C19orf85: variants seen among roughly 807,000 people sequenced by gnomAD.
C19orf85 encodes the protein chromosome 19 open reading frame 85.
rs1200411621 is a variant in C19orf85 at position 55,463,730 on chromosome 19, C to G, written c.411G>C (p.Glu137Asp). The G allele has an allele frequency of 2.5e-6, 1 of 398,636 alleles. No homozygotes were observed. The highest frequency in any genetic ancestry group is 2.1e-5 in the African/African-American group (1 of 48,602). The allele number at this position is 398,636 out of a possible 1,614,324, so 24.7% of individuals were successfully genotyped here. A position where few individuals can be genotyped will look rare whatever the true frequency, so the allele number is the denominator to read the frequency against. The change falls in exon 2 of 2, where the codon GAG becomes GAC. Residue 137 changes from glutamate (E) to aspartate (D), a missense_variant. Coordinates refer to ENST00000635964, the MANE Select transcript of C19orf85 (RefSeq NM_001386794.1). This position sits in a 1 kb window ranked among gnomAD's most constrained non-coding sequence, Gnocchi z 4.9. ...DLFDNIALTP[E>D]CASMPWDPSS... ...AGGGGTCCCATGGCATTGAGGCACA[C>G]TCTGGGGTGAGCGCAATGTTGTCAA...
rs935886659 is a variant in C19orf85, at chr19:55,463,534, C to G, written c.607G>C (p.Glu203Gln). ...TGAGAATCCCAGGCACGAGGCACCT[C>G]CCAGCAGTCCACCCAACCCCAGTCG... ...APDWGWVDCWEVPRAWDSQGI... is the reference protein window; with the variant it reads ...APDWGWVDCWQVPRAWDSQGI... Residue 203 changes from glutamate (E) to glutamine (Q), a missense_variant, in exon 2 of 2, where the codon GAG becomes CAG. By Grantham distance (29) the Glu-to-Gln change is conservative. Coordinates refer to ENST00000635964, the MANE Select transcript of C19orf85 (RefSeq NM_001386794.1). This position sits in a 1 kb window ranked among gnomAD's most constrained non-coding sequence, Gnocchi z 4.9. 3 of 398,628 alleles carry G rather than the reference C, an allele frequency of 7.5e-6. No homozygotes were observed. Among genetic ancestry groups the G allele is most frequent in the Non-Finnish European group, 1.3e-5 (3 of 226,190 alleles). The allele number at this position is 398,628 out of a possible 1,614,324, so 24.7% of individuals were successfully genotyped here. A position where few individuals can be genotyped will look rare whatever the true frequency, so the allele number is the denominator to read the frequency against.
At position 55,463,388 on chromosome 19, in the gene C19orf85, T is replaced by C. The variant is rs929000582; in HGVS notation, c.*84A>G. The C allele has an allele frequency of 1.3e-5, 5 of 398,558 alleles. No homozygotes were observed. Among genetic ancestry groups the C allele is most frequent in the African/African-American group, 2.1e-5 (1 of 48,524 alleles). The allele number at this position is 398,558 out of a possible 1,614,324, so 24.7% of individuals were successfully genotyped here. On this transcript the variant is annotated 3_prime_UTR_variant, in exon 2 of 2. Transcript: ENST00000635964. This position sits in a 1 kb window ranked among gnomAD's most constrained non-coding sequence, Gnocchi z 4.9. The stretch of plus-strand genomic sequence containing the variant: ...GGCTGCCAGGAAGGGAGTGGACAGG[T>C]TGGGGGCTCCTGGAGAGGGCTGTAG...
intron 1 of C19orf85, 133 bp downstream of exon 1, chr19:55,464,249 G>T (rs1483797879): frequency 2.5e-6 from 1 of 397,664 alleles, no homozygotes; most frequent in East Asian, 3.6e-5. Flanking sequence ...ATAAATGCAC[G>T]TTGACTGTTG....
rs745914384 is a variant in C19orf85 at position 55,463,432 on chromosome 19, T to C, written c.*40A>G. On this transcript the variant is annotated 3_prime_UTR_variant, in exon 2 of 2. Coordinates refer to ENST00000635964, the MANE Select transcript of C19orf85 (RefSeq NM_001386794.1). This position sits in a 1 kb window ranked among gnomAD's most constrained non-coding sequence, Gnocchi z 4.9. ...GCTGTAGAGCCGTCGTGGAGGGGCC[T>C]CTGGCTTGTCCTGGGTTCTGGGCTG... is the stretch of plus-strand genomic sequence containing the variant. The C allele has an allele frequency of 8.8e-5, 35 of 398,102 alleles. No homozygotes were observed. The highest frequency in any genetic ancestry group is 1.3e-4 in the Admixed American group (3 of 22,666). The allele number at this position is 398,102 out of a possible 1,614,324, so 24.7% of individuals were successfully genotyped here. A position where few individuals can be genotyped will look rare whatever the true frequency, so the allele number is the denominator to read the frequency against.
chr19:55,463,546 C>A lies in C19orf85; in HGVS notation c.595G>T (p.Val199Leu). ...ADLVAPDWGWVDCWEVPRAWD... is the reference protein window; with the variant it reads ...ADLVAPDWGWLDCWEVPRAWD... ...GCACGAGGCACCTCCCAGCAGTCCA[C>A]CCAACCCCAGTCGGGAGCCACGAGA... is the stretch of plus-strand genomic sequence containing the variant. Residue 199 changes from valine (V) to leucine (L), a missense_variant, in exon 2 of 2, where the codon GTG (valine) becomes TTG (leucine). Val to Leu is a conservative substitution (Grantham distance 32, BLOSUM62 1). Transcript: ENST00000635964. The surrounding 1 kb of genome is among the most constrained non-coding windows in gnomAD (Gnocchi z 4.9). 2.5e-6 allele frequency: 1 copy of A among 398,644 alleles called. No individual in the cohort carries two copies. Among genetic ancestry groups the A allele is most frequent in the Non-Finnish European group, 4.4e-6 (1 of 226,122 alleles). The allele number at this position is 398,644 out of a possible 1,614,324, so 24.7% of individuals were successfully genotyped here.
At chr19:55,464,258 T>C (rs1297888992) in intron 1 of C19orf85, 124 bp downstream of exon 1, 1 of 397,688 alleles carries the variant, frequency 2.5e-6, no homozygotes, top group African/African-American at 2.1e-5. Flanking sequence ...CGTTGACTGT[T>C]GCTGGCATCC....
chr19:55,464,062 AGCCACCACCCCCG>A (rs1277306816), intron 1 of C19orf85, 95 bp from the exon 2 acceptor site: 2 of 398,366 alleles, frequency 5.0e-6, no homozygotes, highest in Admixed American at 8.8e-5. Flanking sequence ...TGCAGGCTTG[AGCCACCACCCCCG>A]GCCAGCATAT....
intron 1 of C19orf85, 73 bp from the exon 2 acceptor site, chr19:55,464,040 A>G (rs754829183): frequency 4.0e-5 from 16 of 398,528 alleles, no homozygotes; most frequent in Non-Finnish European, 7.1e-5. Context: ...CGGCCTTTCA[A>G]GGTGCTGGGA....
rs920381569 is a variant in C19orf85, at chr19:55,463,572, T to C, written c.569A>G (p.Asp190Gly). 144 of 398,430 alleles carry C rather than the reference T, an allele frequency of 3.6e-4. No individual in the cohort carries two copies. Among genetic ancestry groups the C allele is most frequent in the African/African-American group, 2.7e-3 (132 of 48,652 alleles). 24.7% of individuals were successfully genotyped at this position (398,430 alleles called of 1,614,324 possible). A position where few individuals can be genotyped will look rare whatever the true frequency, so the allele number is the denominator to read the frequency against. The part of the protein sequence containing the change: ...LPQHALGEEA[D>G]LVAPDWGWVD... Reference sequence around the variant, plus strand: ...CCAACCCCAGTCGGGAGCCACGAGATCAGCCTCTTCCCCCAGGGCATGCTG... The same window carrying C: ...CCAACCCCAGTCGGGAGCCACGAGACCAGCCTCTTCCCCCAGGGCATGCTG... Residue 190 changes from aspartate (D) to glycine (G), a missense_variant, in exon 2 of 2, where the codon GAT becomes GGT. Transcript: ENST00000635964. The surrounding 1 kb of genome is among the most constrained non-coding windows in gnomAD (Gnocchi z 4.9).
rs950579269 is a variant in C19orf85, at chr19:55,463,811, G to C, written c.330C>G (p.Pro110=). The C allele has an allele frequency of 2.0e-5, 8 of 398,876 alleles. No homozygotes were observed. Among genetic ancestry groups the C allele is most frequent in the African/African-American group, 1.4e-4 (7 of 48,634 alleles). 24.7% of individuals were successfully genotyped at this position (398,876 alleles called of 1,614,324 possible). ...VACAVAPTEA[P]HASASLSLAA... is the part of the protein sequence containing the mutation. ...CGAGACTCAGGCTGGCGCTGGCATG[G>C]GGAGCCTCAGTGGGGGCCACAGCAC... The change falls in exon 2 of 2, where the codon CCC becomes CCG. Residue 110 remains proline (P), a synonymous_variant. Coordinates refer to ENST00000635964, the MANE Select transcript of C19orf85 (RefSeq NM_001386794.1). This position sits in a 1 kb window ranked among gnomAD's most constrained non-coding sequence, Gnocchi z 4.9.
At chr19:55,464,331 T>C in intron 1 of C19orf85, 51 bp downstream of exon 1, 1 of 398,610 alleles carries the variant, frequency 2.5e-6, no homozygotes, top group Non-Finnish European at 4.4e-6. Context: ...TGCTGGTTGC[T>C]CCTTCCCCTC....
At position 55,463,787 on chromosome 19, in the gene C19orf85, G is replaced by A. The variant is rs1401473050; in HGVS notation, c.354C>T (p.Leu118=). The change falls in exon 2 of 2, where the codon CTC becomes CTT. Residue 118 remains leucine (L), a synonymous_variant. Transcript: ENST00000635964. This position sits in a 1 kb window ranked among gnomAD's most constrained non-coding sequence, Gnocchi z 4.9. ...EAPHASASLS[L]AALDTSTLDL... ...CGAGGGTAGAGGTGTCCAGGGCAGC[G>A]AGACTCAGGCTGGCGCTGGCATGGG... 1.0e-5 allele frequency: 4 copies of A among 398,740 alleles called. No individual in the cohort carries two copies. The highest frequency in any genetic ancestry group is 2.1e-5 in the African/African-American group (1 of 48,624). 24.7% of individuals were successfully genotyped at this position (398,740 alleles called of 1,614,324 possible). A position where few individuals can be genotyped will look rare whatever the true frequency, so the allele number is the denominator to read the frequency against.
chr19:55,463,998 C>G lies in C19orf85; in HGVS notation c.174-31G>C, dbSNP rs1986314355. On this transcript the variant is annotated intron_variant, in intron 1 of 1. Transcript: ENST00000635964. The surrounding 1 kb of genome is among the most constrained non-coding windows in gnomAD (Gnocchi z 4.9). ...AAGACAGATGTGAGCAGGCTGGTCTCTAACGCCTGAACTCAAGCGATCCTC... is the reference window on the plus strand; with the variant it reads ...AAGACAGATGTGAGCAGGCTGGTCTGTAACGCCTGAACTCAAGCGATCCTC... 2.5e-6 allele frequency: 1 copy of G among 398,512 alleles called. No homozygotes were observed. The highest frequency in any genetic ancestry group is 2.1e-5 in the African/African-American group (1 of 48,564). The allele number at this position is 398,512 out of a possible 1,614,324, so 24.7% of individuals were successfully genotyped here. A position where few individuals can be genotyped will look rare whatever the true frequency, so the allele number is the denominator to read the frequency against.
rs1986297377 is a variant in C19orf85 at position 55,463,285 on chromosome 19, G to A, written c.*187C>T. On this transcript the variant is annotated 3_prime_UTR_variant, in exon 2 of 2. Transcript: ENST00000635964. This position sits in a 1 kb window ranked among gnomAD's most constrained non-coding sequence, Gnocchi z 4.9. ...GGCAGGAAAGCAAGAAGAGGTGGAGGTGGGGCCCCTGGGCCCAGGAGGAGA... is the reference window on the plus strand; with the variant it reads ...GGCAGGAAAGCAAGAAGAGGTGGAGATGGGGCCCCTGGGCCCAGGAGGAGA... 5.0e-6 allele frequency: 2 copies of A among 397,758 alleles called. No homozygotes were observed. The highest frequency in any genetic ancestry group is 4.4e-6 in the Non-Finnish European group (1 of 226,230). The allele number at this position is 397,758 out of a possible 1,614,324, so 24.6% of individuals were successfully genotyped here.
At position 55,464,509 on chromosome 19, in the gene C19orf85, G is replaced by C. The variant is rs1986326227; in HGVS notation, c.46C>G (p.Pro16Ala). Residue 16 changes from proline to alanine, a missense_variant, in exon 1 of 2, where the codon CCC (proline) becomes GCC (alanine). By Grantham distance (27) the Pro-to-Ala change is conservative. Transcript: ENST00000635964. ...CTCACAAAGGCACACAGCTCCCGGG[G>C]GCCGGGCTCGGAGACCCCAGGGCCT... ...PEGPGVSEPGPRELCAFVSGA... is the reference protein window; with the variant it reads ...PEGPGVSEPGARELCAFVSGA... 7.5e-6 allele frequency: 3 copies of C among 398,272 alleles called. No individual in the cohort carries two copies. The Admixed American group carries it at 1.3e-4, about 18-fold the overall frequency. The allele number at this position is 398,272 out of a possible 1,614,324, so 24.7% of individuals were successfully genotyped here.
Position 55,464,684 on chromosome 19 carries a change from A to G in C19orf85, c.-130T>C, listed in dbSNP as rs908550844. On this transcript the variant is annotated 5_prime_UTR_variant, in exon 1 of 2. Coordinates refer to ENST00000635964, the MANE Select transcript of C19orf85 (RefSeq NM_001386794.1). ...GGCTGGGGAGGAGGCAGGGCTGGGA[A>G]TTGGGCCAAGGCCTCCCCACTGTGC... 5 of 396,566 alleles carry G rather than the reference A, an allele frequency of 1.3e-5. No individual in the cohort carries two copies. The highest frequency in any genetic ancestry group is 2.2e-5 in the Non-Finnish European group (5 of 225,422). The allele number at this position is 396,566 out of a possible 1,614,324, so 24.6% of individuals were successfully genotyped here. A position where few individuals can be genotyped will look rare whatever the true frequency, so the allele number is the denominator to read the frequency against.
At chr19:55,464,107 T>A (rs1055861731) in intron 1 of C19orf85, 140 bp from the exon 2 acceptor site, 9 of 397,762 alleles carry the variant, frequency 2.3e-5, no homozygotes, top group Non-Finnish European at 3.5e-5. Flanking sequence ...ACCTATGTGG[T>A]CGCATCACAC....
rs149280765 is a variant in C19orf85, at chr19:55,463,989, G to A, written c.174-22C>T. 4.1e-3 allele frequency: 1,637 copies of A among 398,214 alleles called. 20 individuals carry two copies. The highest frequency in any genetic ancestry group is 0.029 in the African/African-American group (1,403 of 48,244). The allele number at this position is 398,214 out of a possible 1,614,324, so 24.7% of individuals were successfully genotyped here. A position where few individuals can be genotyped will look rare whatever the true frequency, so the allele number is the denominator to read the frequency against. Reference sequence around the variant, plus strand: ...CTGCCTGTAAAGACAGATGTGAGCAGGCTGGTCTCTAACGCCTGAACTCAA... The same window carrying A: ...CTGCCTGTAAAGACAGATGTGAGCAAGCTGGTCTCTAACGCCTGAACTCAA... On this transcript the variant is annotated intron_variant, in intron 1 of 1. Coordinates refer to ENST00000635964, the MANE Select transcript of C19orf85 (RefSeq NM_001386794.1). This position sits in a 1 kb window ranked among gnomAD's most constrained non-coding sequence, Gnocchi z 4.9.
chr19:55,463,885 G>T lies in C19orf85; in HGVS notation c.256C>A (p.Leu86Ile), dbSNP rs2123395261. 5.0e-6 allele frequency: 2 copies of T among 398,994 alleles called. No individual in the cohort carries two copies. The highest frequency in any genetic ancestry group is 8.8e-6 in the Non-Finnish European group (2 of 226,344). 24.7% of individuals were successfully genotyped at this position (398,994 alleles called of 1,614,324 possible). The change falls in exon 2 of 2, where the codon CTC becomes ATC. Residue 86 changes from leucine to isoleucine, a missense_variant. Coordinates refer to ENST00000635964, the MANE Select transcript of C19orf85 (RefSeq NM_001386794.1). This position sits in a 1 kb window ranked among gnomAD's most constrained non-coding sequence, Gnocchi z 4.9. ...SQEAPPQRPSLQKPPPPPPSP... is the reference protein window; with the variant it reads ...SQEAPPQRPSIQKPPPPPPSP... Reference sequence around the variant, plus strand: ...GGAGGCGGTGGGGGTGGCTTTTGGAGCGAGGGTCTCTGGGGAGGTGCCTCC... The same window carrying T: ...GGAGGCGGTGGGGGTGGCTTTTGGATCGAGGGTCTCTGGGGAGGTGCCTCC...
Sources: gnomAD v4.1 joint callset for allele counts on GRCh38, gnomAD v4.1.1 for gene constraint, Gnocchi (gnomAD v3.1) non-coding constraint, MANE v1.5 for transcripts, NCBI Gene and HGNC (gene_info 2026-07-23, HGNC 2026-07-21) for gene names.